The following SMIM36 variants were observed in gnomAD, a reference collection of about 807,000 sequenced individuals.
The protein encoded by SMIM36 is small integral membrane protein 36.
chr17:55,466,526 G>A (rs78994006), intron 4 of SMIM36, among the ~76,000 whole-genome samples: 5,696 of 152,200 alleles, frequency 0.037, 311 homozygotes, highest in African/African-American at 0.12. Context: ...TGATGAATAA[G>A]GACAAGTCCA....
At chr17:55,512,402 G>A (rs1910196719), upstream of SMIM36, among the ~76,000 whole-genome samples, 1 of 152,210 alleles carries the variant, frequency 6.6e-6, no homozygotes, top group Non-Finnish European at 1.5e-5. Context: ...TAGAGCAATG[G>A]GATGCCATTG....
chr17:55,515,691 G>A (rs1434279303), upstream of SMIM36, among the ~76,000 whole-genome samples: 3 of 152,266 alleles, frequency 2.0e-5, no homozygotes, highest in South Asian at 4.1e-4. Context: ...ACCAGAAACT[G>A]GAAGACAGGC....
chr17:55,511,222 C>T (rs1252707905), exon 1 of SMIM36: 7 of 398,492 alleles, frequency 1.8e-5, no homozygotes, highest in South Asian at 1.3e-4. Flanking sequence ...ATCCTTGCCT[C>T]GGCAGTCGTA....
intron 1 of SMIM36, among the ~76,000 whole-genome samples, chr17:55,487,576 G>A (rs1909629312): frequency 6.6e-6 from 1 of 152,188 alleles, no homozygotes; most frequent in Admixed American, 6.5e-5. Flanking sequence ...AGAAACACCA[G>A]AACGGAGTGA....
At chr17:55,495,041 G>A (rs16955996) in intron 1 of SMIM36, among the ~76,000 whole-genome samples, 1 of 152,216 alleles carries the variant, frequency 6.6e-6, no homozygotes, top group Non-Finnish European at 1.5e-5. Flanking sequence ...TCCAAAGACA[G>A]AACTCATGTC....
At chr17:55,458,231 C>T (rs2143233424) in intron 4 of SMIM36, 1 of 152,260 alleles carries the variant, frequency 6.6e-6, no homozygotes, top group African/African-American at 2.4e-5. Flanking sequence ...TCACTTTCTC[C>T]AATTGTTCCT....
chr17:55,464,030 G>C (rs1419926647), intron 4 of SMIM36, among the ~76,000 whole-genome samples: 1 of 151,930 alleles, frequency 6.6e-6, no homozygotes, highest in Non-Finnish European at 1.5e-5. Context: ...CATGAGAATT[G>C]CCTGAACCCA....
At chr17:55,477,348 T>C (rs1463309981) in intron 3 of SMIM36, among the ~76,000 whole-genome samples, 2 of 152,168 alleles carry the variant, frequency 1.3e-5, no homozygotes, top group East Asian at 3.8e-4. Flanking sequence ...GCTTCCAGTG[T>C]TTACATTCAA....
At chr17:55,478,119 GTTGCAGTGAGCCGAGACTGCACCA>G (rs1909456748) in intron 3 of SMIM36, among the ~76,000 whole-genome samples, 2 of 152,032 alleles carry the variant, frequency 1.3e-5, no homozygotes, top group Admixed American at 1.3e-4. Flanking sequence ...AGAGGTTGAG[GTTGCAGTGAGCCGAGACTGCACCA>G]TTGCATTCCA....
chr17:55,456,681 GTGTT>G (rs1334290545), intron 4 of SMIM36, among the ~76,000 whole-genome samples: 2 of 152,214 alleles, frequency 1.3e-5, no homozygotes, highest in African/African-American at 2.4e-5. Context: ...GTTTAAGTCT[GTGTT>G]TGTTTGTGTT....
intron 1 of SMIM36, among the ~76,000 whole-genome samples, chr17:55,501,309 T>TATATATTATATTTTATAATATATA (rs1319951811): frequency 3.6e-5 from 2 of 55,244 alleles, no homozygotes; most frequent in Admixed American, 3.2e-4. Context: ...TATATTATGT[T>TATATATTATATTTTATAATATATA]ATATATTATA....
Position 55,469,635 on chromosome 17 carries a change from C to T in SMIM36, c.*348-2307G>A, listed in dbSNP as rs374309504. ...CAAGCAACAATGTATTTCTGAGTTG[C>T]AATTACTTGCCTCCACTGTGAGAAA... On this transcript the variant is annotated intron_variant, in intron 3 of 4. Coordinates refer to ENST00000636752, the Ensembl canonical transcript of SMIM36. Among the ~76,000 whole-genome samples the T allele has an allele frequency of 3.9e-5, 6 of 152,298 alleles. No homozygotes were observed. In the South Asian group the frequency reaches 1.0e-3, roughly 26 times the overall value.
chr17:55,468,223 T>A (rs1209517169), intron 3 of SMIM36: 1 of 152,338 alleles, frequency 6.6e-6, no homozygotes, highest in Non-Finnish European at 1.5e-5. Context: ...GGGAGACCGG[T>A]CCCCTGTCTT....
At chr17:55,518,692 G>A in the SMIM36 span, among the ~76,000 whole-genome samples, 1 of 152,150 alleles carries the variant, frequency 6.6e-6, no homozygotes, top group African/African-American at 2.4e-5. Context: ...GGGTGTCAGT[G>A]AAACAAAGTT....
intron 4 of SMIM36, among the ~76,000 whole-genome samples, chr17:55,460,944 T>A (rs1909139713): frequency 1.3e-5 from 2 of 152,172 alleles, no homozygotes; most frequent in Admixed American, 1.3e-4. Flanking sequence ...GCACATATAG[T>A]GAACAAGTGA....
At chr17:55,450,793 G>T (rs1357284521) in intron 4 of SMIM36, among the ~76,000 whole-genome samples, 1 of 152,232 alleles carries the variant, frequency 6.6e-6, no homozygotes, top group Non-Finnish European at 1.5e-5. Context: ...AGTAACACTG[G>T]AGAGTCCACC....
chr17:55,456,558 T>C (rs1909027816), intron 4 of SMIM36, among the ~76,000 whole-genome samples: 1 of 152,194 alleles, frequency 6.6e-6, no homozygotes. Context: ...TTTGAGAATC[T>C]GAAGAAAGCC....
chr17:55,525,938 G>A, the SMIM36 span, among the ~76,000 whole-genome samples: 4 of 152,086 alleles, frequency 2.6e-5, no homozygotes, highest in African/African-American at 9.7e-5. Context: ...GATTACAGGC[G>A]TGAGCCACCA....
chr17:55,483,704 G>A (rs1411728001), intron 1 of SMIM36, among the ~76,000 whole-genome samples: 3 of 152,078 alleles, frequency 2.0e-5, no homozygotes, highest in Admixed American at 1.3e-4. Flanking sequence ...GCACAATCTT[G>A]GCTCACTGCA....
Sources: gnomAD v4.1 joint callset for allele counts (sites outside exome capture counted in the v4.1 genomes callset) on GRCh38, gnomAD v4.1.1 for gene constraint, MANE v1.5 for transcripts, NCBI Gene and HGNC (gene_info 2026-07-23, HGNC 2026-07-21) for gene names.